MAPK10: variants seen among roughly 807,000 people sequenced by gnomAD.
MAPK10 encodes the protein JNK3 alpha protein kinase.
A neutral mutation model predicts 59.3 loss-of-function variants in MAPK10; 25 were observed. That is an observed-to-expected ratio of 0.42 (90% CI 0.31 to 0.59). MAPK10 has a LOEUF of 0.59. Among genes scored for constraint, MAPK10 ranks in the 20% least tolerant of loss-of-function variants. The probability of loss-of-function intolerance (pLI) is 0.15; values close to 1 mark genes in which losing one functional copy is unlikely to be tolerated. For missense variants in MAPK10, 351 were observed against 568.9 expected, an observed-to-expected ratio of 0.62 and a Z score of 3.90; for synonymous variants, 190 against 200.5, an observed-to-expected ratio of 0.95 and a Z score of 0.44.
chr4:86,298,839 A>T (rs1242075124), intron 2 of MAPK10, among the ~76,000 whole-genome samples: 1 of 152,298 alleles, frequency 6.6e-6, no homozygotes, highest in South Asian at 2.1e-4. Context: ...TCATGAGAAC[A>T]GTGGTTTTGA....
intron 9 of MAPK10, among the ~76,000 whole-genome samples, chr4:86,097,771 A>C (rs1420982856): frequency 6.6e-6 from 1 of 152,106 alleles, no homozygotes; most frequent in Non-Finnish European, 1.5e-5. Context: ...GAAATGTATC[A>C]GTTCATTTGA....
At chr4:86,178,209 C>T (rs897070591) in intron 3 of MAPK10, among the ~76,000 whole-genome samples, 5 of 151,912 alleles carry the variant, frequency 3.3e-5, no homozygotes, top group African/African-American at 1.2e-4. Flanking sequence ...TGCATTTAAT[C>T]ATAGTTTTTT....
intron 1 of MAPK10, among the ~76,000 whole-genome samples, chr4:86,473,134 T>C (rs1752791245): frequency 6.6e-6 from 1 of 152,252 alleles, no homozygotes; most frequent in Admixed American, 6.5e-5. Context: ...GATTCACTTA[T>C]ATTTGAAAAT....
chr4:86,277,511 T>C (rs942174258), intron 2 of MAPK10, among the ~76,000 whole-genome samples: 1 of 152,160 alleles, frequency 6.6e-6, no homozygotes, highest in Non-Finnish European at 1.5e-5. Flanking sequence ...AAAGCTAATA[T>C]AACAAGCTTA....
At chr4:86,361,372 G>C (rs1211590154), upstream of MAPK10, among the ~76,000 whole-genome samples, 2 of 152,110 alleles carry the variant, frequency 1.3e-5, no homozygotes, top group African/African-American at 4.8e-5. Flanking sequence ...CTATCTTCTA[G>C]TCTTCTCAAT....
At chr4:86,400,911 A>G (rs1299226678) in intron 1 of MAPK10, among the ~76,000 whole-genome samples, 2 of 152,172 alleles carry the variant, frequency 1.3e-5, no homozygotes, top group Non-Finnish European at 2.9e-5. Context: ...CCAAAAATAC[A>G]AGAAGATTTT....
intron 13 of MAPK10, among the ~76,000 whole-genome samples, chr4:86,018,590 C>G (rs937245317): frequency 6.6e-6 from 1 of 152,138 alleles, no homozygotes; most frequent in African/African-American, 2.4e-5. Flanking sequence ...TTGAGATCAA[C>G]AAAAGAAAGA....
rs182259254 is a variant in MAPK10 at position 86,238,291 on chromosome 4, C to G, written c.-6-43884G>C. Among the ~76,000 whole-genome samples, 24 of 152,232 alleles carry G rather than the reference C, an allele frequency of 1.6e-4. No homozygotes were observed. In the East Asian group the frequency reaches 3.9e-3, roughly 24 times the overall value. On this transcript the variant is annotated intron_variant, in intron 2 of 13. Coordinates refer to ENST00000641462, the MANE Select transcript of MAPK10 (RefSeq NM_138982.4). ...AAATCAGGTAGCGTGATGACTCCAGCCTTGTTCTTTTTGCTTAGGATTGTC... is the reference window on the plus strand; with the variant it reads ...AAATCAGGTAGCGTGATGACTCCAGGCTTGTTCTTTTTGCTTAGGATTGTC...
chr4:86,100,159 T>G (rs1272770068), intron 8 of MAPK10: 3 of 152,100 alleles, frequency 2.0e-5, no homozygotes, highest in African/African-American at 4.8e-5. Flanking sequence ...GAATAGAATA[T>G]AAAAATAAAT....
intron 9 of MAPK10, among the ~76,000 whole-genome samples, chr4:86,097,798 A>C (rs1314615776): frequency 6.6e-6 from 1 of 152,090 alleles, no homozygotes; most frequent in Non-Finnish European, 1.5e-5. Context: ...CAAATCATAG[A>C]TAGCTCTACA....
intron 2 of MAPK10, among the ~76,000 whole-genome samples, chr4:86,347,192 T>G (rs537733166): frequency 6.6e-6 from 1 of 152,312 alleles, no homozygotes; most frequent in East Asian, 1.9e-4. Context: ...AAATGAATGC[T>G]GTTAAACTAT....
chr4:86,225,820 A>C (rs760599966), intron 2 of MAPK10, among the ~76,000 whole-genome samples: 2 of 152,222 alleles, frequency 1.3e-5, no homozygotes, highest in Non-Finnish European at 2.9e-5. Context: ...GCCCACTGAC[A>C]CAAGCTTTGA....
At chr4:86,309,323 T>C (rs1014053978) in intron 2 of MAPK10, among the ~76,000 whole-genome samples, 1 of 152,082 alleles carries the variant, frequency 6.6e-6, no homozygotes, top group Non-Finnish European at 1.5e-5. Flanking sequence ...AGGCAAACCA[T>C]GGTCAGATAC....
chr4:86,181,102 T>C (rs114627598), intron 3 of MAPK10, among the ~76,000 whole-genome samples: 5,208 of 152,228 alleles, frequency 0.034, 144 homozygotes, highest in Non-Finnish European at 0.051. Flanking sequence ...TGTACCTCCA[T>C]AAACATGTAT....
intron 1 of MAPK10, among the ~76,000 whole-genome samples, chr4:86,548,270 C>G (rs923241980): frequency 6.6e-6 from 1 of 152,076 alleles, no homozygotes; most frequent in Non-Finnish European, 1.5e-5. Context: ...AGTTTCACTC[C>G]TGAGCCAGCG....
At chr4:86,536,663 T>C (rs1758262512) in intron 1 of MAPK10, among the ~76,000 whole-genome samples, 1 of 152,216 alleles carries the variant, frequency 6.6e-6, no homozygotes, top group Non-Finnish European at 1.5e-5. Flanking sequence ...ATAAAAATAG[T>C]CATTTTTTCA....
At chr4:86,189,761 C>T (rs2079200525) in intron 3 of MAPK10, among the ~76,000 whole-genome samples, 1 of 152,006 alleles carries the variant, frequency 6.6e-6, no homozygotes, top group Non-Finnish European at 1.5e-5. Flanking sequence ...GCCTGATTGC[C>T]CCAGTCAGAA....
At chr4:86,115,667 G>T (rs1156337777) in intron 4 of MAPK10, among the ~76,000 whole-genome samples, 2 of 152,020 alleles carry the variant, frequency 1.3e-5, no homozygotes, top group Admixed American at 1.3e-4. Flanking sequence ...CTCCATGTTG[G>T]TCAGGCTGGT....
At chr4:86,083,603 C>A (rs2051132232) in intron 9 of MAPK10, among the ~76,000 whole-genome samples, 1 of 152,102 alleles carries the variant, frequency 6.6e-6, no homozygotes, top group Non-Finnish European at 1.5e-5. Flanking sequence ...ACTTGAAAGG[C>A]AGGTCACTGC....
Sources: gnomAD v4.1 joint callset for allele counts (sites outside exome capture counted in the v4.1 genomes callset) on GRCh38, gnomAD v4.1.1 for gene constraint, MANE v1.5 for transcripts, NCBI Gene and HGNC (gene_info 2026-07-23, HGNC 2026-07-21) for gene names.